POT1: variants seen among roughly 807,000 people sequenced by gnomAD.
POT1 encodes protection of telomeres protein 1.
In POT1, 47 loss-of-function variants were observed where a neutral mutation model predicts 78.5. The ratio of observed to expected loss-of-function variants is 0.60; its 90% CI spans 0.47 to 0.76. The LOEUF is 0.76. POT1 is among the 30% of genes least tolerant of loss of function. The pLI is 0.00. For synonymous variants in POT1, 259 were observed against 260.7 expected, an observed-to-expected ratio of 0.99 and a Z score of 0.06; for missense variants, 646 against 749.9, an observed-to-expected ratio of 0.86 and a Z score of 1.62.
intron 6 of POT1, among the ~76,000 whole-genome samples, chr7:124,876,175 A>C (rs1252396516): frequency 1.3e-5 from 2 of 152,226 alleles, no homozygotes; most frequent in African/African-American, 2.4e-5. Flanking sequence ...AATAAGCTAG[A>C]ACCATTTGTT....
chr7:124,877,840 C>CAAAAAA lies in POT1; in HGVS notation c.125-6805_125-6800dup, dbSNP rs201285982. Among the ~76,000 whole-genome samples the CAAAAAA allele has an allele frequency of 3.0e-3, 242 of 80,466 alleles. 7 individuals carry two copies. The highest frequency in any genetic ancestry group is 8.2e-3 in the African/African-American group (199 of 24,182). The allele number at this position is 80,466 out of a possible 152,430, so 52.8% of individuals were successfully genotyped here. On this transcript the variant is annotated intron_variant, in intron 6 of 18. Coordinates refer to ENST00000357628, the MANE Select transcript of POT1 (RefSeq NM_015450.3). The stretch of plus-strand genomic sequence containing the variant: ...TGGGCGACAGAGAGAGATTCTGTCT[C>CAAAAAA]AAAAAAAAAAAAAAAAAAAAAAAAA...
chr7:124,852,002 G>T (rs377118025), intron 10 of POT1, 51 bp from the exon 11 acceptor site: 9 of 1,293,072 alleles, frequency 7.0e-6, no homozygotes, highest in Non-Finnish European at 7.8e-6. Flanking sequence ...AGTCAATATA[G>T]TAAATTTAGC....
Position 124,827,288 on chromosome 7 carries a change from G to T in POT1, c.1612C>A (p.Leu538Ile). The change falls in exon 17 of 19, where the codon CTC (leucine) becomes ATC (isoleucine). Residue 538 changes from leucine (L) to isoleucine (I), a missense_variant. Transcript: ENST00000357628. ...SVAEALGIVPLQYVFVMTFTL... is the reference protein window; with the variant it reads ...SVAEALGIVPIQYVFVMTFTL... ...AAGGTCATAACAAACACATATTGGA[G>T]GGGTACAATACCCAGTGCTAGTGAA... is the stretch of plus-strand genomic sequence containing the variant. 6.3e-7 allele frequency: 1 copy of T among 1,590,956 alleles called. No homozygotes were observed. Among genetic ancestry groups the T allele is most frequent in the South Asian group, 1.1e-5 (1 of 88,972 alleles).
intron 17 of POT1, among the ~76,000 whole-genome samples, chr7:124,826,730 C>T (rs1475667599): frequency 2.6e-5 from 4 of 152,044 alleles, no homozygotes; most frequent in East Asian, 1.9e-4. Context: ...ATTAGCTGGG[C>T]GTGGTGGTGC....
At chr7:124,837,533 C>T (rs1794927553) in intron 14 of POT1, among the ~76,000 whole-genome samples, 1 of 151,930 alleles carries the variant, frequency 6.6e-6, no homozygotes, top group African/African-American at 2.4e-5. Flanking sequence ...CAAGGAGAAA[C>T]AGATAATCTG....
In POT1 at chr7:124,832,009, A is replaced by T. The variant is rs372852462; in HGVS notation, c.1506-2667T>A. 9.6e-4 allele frequency among the ~76,000 whole-genome samples: 103 copies of T among 106,960 alleles called. 1 individual carries two copies. The South Asian group carries it at 0.022, about 23-fold the overall frequency. 70.2% of individuals were successfully genotyped at this position (106,960 alleles called of 152,430 possible). On this transcript the variant is annotated intron_variant, in intron 15 of 18. Transcript: ENST00000357628. ...TTAATTTCTTAAAAATAAAAAAAAA[A>T]AAAAAAAAAAAAAGTTTGGAGGCCA...
chr7:124,855,207 A>T (rs138730363), intron 9 of POT1, among the ~76,000 whole-genome samples: 158 of 137,898 alleles, frequency 1.1e-3, no homozygotes, highest in Non-Finnish European at 1.9e-3. Context: ...ATGGAGACAC[A>T]GAGAGGAGAG....
chr7:124,849,522 T>C lies in POT1; in HGVS notation c.949+2350A>G, dbSNP rs184658521. 2.2e-4 allele frequency among the ~76,000 whole-genome samples: 33 copies of C among 152,296 alleles called. No homozygotes were observed. In the East Asian group the frequency reaches 3.1e-3, roughly 14 times the overall value. Reference sequence around the variant, plus strand: ...AAGGTGTGAGTAAAGTATATTCTCCTACACTGCTATTTGGATATAAATTTC... The same window carrying C: ...AAGGTGTGAGTAAAGTATATTCTCCCACACTGCTATTTGGATATAAATTTC... On this transcript the variant is annotated intron_variant, in intron 11 of 18. Transcript: ENST00000357628.
At chr7:124,860,323 A>C (rs1485311464) in intron 8 of POT1, among the ~76,000 whole-genome samples, 1 of 152,090 alleles carries the variant, frequency 6.6e-6, no homozygotes, top group African/African-American at 2.4e-5. Flanking sequence ...ATGTCATTTT[A>C]TGGTTACAAA....
intron 6 of POT1, among the ~76,000 whole-genome samples, chr7:124,878,811 T>C (rs985461125): frequency 2.0e-5 from 3 of 152,030 alleles, no homozygotes; most frequent in Non-Finnish European, 2.9e-5. Flanking sequence ...AAATGTAGCA[T>C]AGAGATAGCC....
chr7:124,839,159 T>G (rs532157743), intron 14 of POT1, among the ~76,000 whole-genome samples: 76 of 152,198 alleles, frequency 5.0e-4, no homozygotes, highest in African/African-American at 1.8e-3. Flanking sequence ...CAAACTGGTT[T>G]GACAAAGAAG....
chr7:124,897,026 G>C, intron 5 of POT1, 139 bp downstream of exon 5: 2 of 434,080 alleles, frequency 4.6e-6, no homozygotes, highest in South Asian at 8.0e-5. Flanking sequence ...AAAAAGTAAA[G>C]ATTATGTTTT....
intron 6 of POT1, among the ~76,000 whole-genome samples, chr7:124,874,335 G>A (rs755905412): frequency 5.3e-5 from 8 of 152,208 alleles, no homozygotes; most frequent in Non-Finnish European, 8.8e-5. Flanking sequence ...CTCAAGGGGA[G>A]GGCGTATTAG....
At chr7:124,862,869 A>G (rs1377245528) in intron 8 of POT1, among the ~76,000 whole-genome samples, 1 of 152,154 alleles carries the variant, frequency 6.6e-6, no homozygotes, top group Non-Finnish European at 1.5e-5. Context: ...TATCTTGCTG[A>G]TTTAAAAGCA....
chr7:124,833,597 C>A (rs918808820), intron 15 of POT1, among the ~76,000 whole-genome samples: 1 of 152,136 alleles, frequency 6.6e-6, no homozygotes. Context: ...TCAGTGGCAG[C>A]AAATTTGTAA....
chr7:124,891,218 T>C (rs568790057), intron 6 of POT1, among the ~76,000 whole-genome samples: 1 of 151,872 alleles, frequency 6.6e-6, no homozygotes, highest in South Asian at 2.1e-4. Flanking sequence ...CATACATAAT[T>C]GTTATATTTT....
intron 6 of POT1, among the ~76,000 whole-genome samples, chr7:124,881,748 G>A (rs563759124): frequency 1.1e-4 from 17 of 151,984 alleles, no homozygotes; most frequent in African/African-American, 3.6e-4. Flanking sequence ...CCCAAACGAA[G>A]GTACAAAGCT....
chr7:124,903,586 T>C (rs994267755), intron 3 of POT1, among the ~76,000 whole-genome samples: 1 of 152,068 alleles, frequency 6.6e-6, no homozygotes, highest in Admixed American at 6.6e-5. Context: ...AGATCTAAAA[T>C]GGACACCCTA....
intron 2 of POT1, among the ~76,000 whole-genome samples, chr7:124,923,301 T>C (rs887641355): frequency 2.6e-5 from 4 of 151,424 alleles, no homozygotes; most frequent in Non-Finnish European, 5.9e-5. Context: ...GAATGAGAGA[T>C]TTACCAATGA....
Sources: allele counts gnomAD v4.1 joint callset (sites outside exome capture counted in the v4.1 genomes callset), GRCh38; gene constraint gnomAD v4.1.1; transcripts MANE v1.5; gene names NCBI Gene and HGNC (gene_info 2026-07-23, HGNC 2026-07-21).